TTC23: variants seen among roughly 807,000 people sequenced by gnomAD.
The protein encoded by TTC23 is tetratricopeptide repeat protein 23.
Under a neutral mutation model 55.1 loss-of-function variants are expected in TTC23, and 58 were observed. That is an observed-to-expected ratio of 1.05 (90% CI 0.85 to 1.31). TTC23 has a LOEUF of 1.31. TTC23 is among the 50% of genes most tolerant of loss of function. The pLI is 0.00. For synonymous variants in TTC23, 203 were observed against 199.9 expected (o/e 1.02, Z -0.13); for missense variants, 516 against 534.4 (o/e 0.97, Z 0.34).
At position 99,199,987 on chromosome 15, in the gene TTC23, A is replaced by G. The variant is rs1262822865; in HGVS notation, c.691T>C (p.Leu231=). Residue 231 remains leucine, a synonymous_variant, in exon 9 of 14, where the codon TTG becomes CTG. Transcript: ENST00000394132. ...TGCTCTACACCTGCTAATTCTCTCAATATGGGTACACACTCACGACTTGTT... is the reference window on the plus strand; with the variant it reads ...TGCTCTACACCTGCTAATTCTCTCAGTATGGGTACACACTCACGACTTGTT... ...GETSRECVPI[L]RELAGVEQAL... is the part of the protein sequence containing the mutation. The G allele has an allele frequency of 1.2e-6, 2 of 1,613,936 alleles. No homozygotes were observed. The highest frequency in any genetic ancestry group is 1.1e-5 in the South Asian group (1 of 91,070).
intron 9 of TTC23, among the ~76,000 whole-genome samples, chr15:99,196,432 G>A (rs967863927): frequency 1.3e-5 from 2 of 152,086 alleles, no homozygotes; most frequent in Admixed American, 1.3e-4. Context: ...ACTACAAAAG[G>A]TTTTTGTATA....
chr15:99,207,011 C>A lies in TTC23; in HGVS notation c.582-6915G>T, dbSNP rs577918827. 1.5e-4 allele frequency among the ~76,000 whole-genome samples: 23 copies of A among 152,142 alleles called. No individual in the cohort carries two copies. In the East Asian group the frequency reaches 2.9e-3, roughly 19 times the overall value. ...TTTTGGTATGTTATGTTTCCATTTTCATTTGTTTCAAGAAAATTTTTAATG... is the reference window on the plus strand; with the variant it reads ...TTTTGGTATGTTATGTTTCCATTTTAATTTGTTTCAAGAAAATTTTTAATG... On this transcript the variant is annotated intron_variant, in intron 8 of 13. Coordinates refer to ENST00000394132, the MANE Select transcript of TTC23 (RefSeq NM_001288615.3).
intron 11 of TTC23, chr15:99,161,171 T>TATAC (rs1450400373): frequency 6.6e-6 from 1 of 151,878 alleles, no homozygotes; most frequent in African/African-American, 2.4e-5. Context: ...ATTGTATATA[T>TATAC]ATATATGTAT....
rs550875539 is a variant in TTC23, at chr15:99,215,236, T to C, written c.581+3352A>G. 5.9e-5 allele frequency among the ~76,000 whole-genome samples: 9 copies of C among 152,208 alleles called. No individual in the cohort carries two copies. In the South Asian group the frequency reaches 1.9e-3, roughly 32 times the overall value. Reference sequence around the variant, plus strand: ...TTTGTAGACTTCAGATATAAGCCCTTTGTCAGTTGTACGTATTACAAATAT... The same window carrying C: ...TTTGTAGACTTCAGATATAAGCCCTCTGTCAGTTGTACGTATTACAAATAT... On this transcript the variant is annotated intron_variant, in intron 8 of 13. Coordinates refer to ENST00000394132, the MANE Select transcript of TTC23 (RefSeq NM_001288615.3).
Position 99,239,369 on chromosome 15 carries a change from C to T in TTC23, c.-114+1996G>A, listed in dbSNP as rs113086762. On this transcript the variant is annotated intron_variant, in intron 3 of 13. Transcript: ENST00000394132. ...GTGTGGTGGCATGTGCCTGTAGTCC[C>T]AGCTACTCTGGAGGCTGAGGCAGGA... Among the ~76,000 whole-genome samples the T allele has an allele frequency of 2.0e-5, 3 of 152,206 alleles. 1 individual carries two copies. The highest frequency in any genetic ancestry group is 6.5e-5 in the Admixed American group (1 of 15,276).
At chr15:99,174,175 C>A (rs1381793104) in intron 10 of TTC23, among the ~76,000 whole-genome samples, 2 of 152,100 alleles carry the variant, frequency 1.3e-5, no homozygotes, top group East Asian at 3.9e-4. Flanking sequence ...AATGCCGATG[C>A]CCCCTTCATC....
rs28887546 is a variant in TTC23 at position 99,247,223 on chromosome 15, G to T, written c.-430-1713C>A. ...AACCCTCATACACTCTGGTGGAAAT[G>T]TAAAATGGGAAATTCACCTTGGAAA... is the stretch of plus-strand genomic sequence containing the variant. On this transcript the variant is annotated intron_variant, in intron 1 of 13. Coordinates refer to ENST00000394132, the MANE Select transcript of TTC23 (RefSeq NM_001288615.3). Among the ~76,000 whole-genome samples, 357 of 152,304 alleles carry T rather than the reference G, an allele frequency of 2.3e-3. 4 individuals carry two copies. The highest frequency in any genetic ancestry group is 8.1e-3 in the African/African-American group (335 of 41,562).
chr15:99,212,704 A>G (rs887782379), intron 8 of TTC23, among the ~76,000 whole-genome samples: 1 of 152,184 alleles, frequency 6.6e-6, no homozygotes, highest in African/African-American at 2.4e-5. Flanking sequence ...TATCCTTTTA[A>G]GAGGGACATA....
chr15:99,221,932 GCTTTTATATCC>G (rs1463941166), intron 5 of TTC23, 68 bp from the exon 6 acceptor site: 2 of 1,564,282 alleles, frequency 1.3e-6, no homozygotes, highest in African/African-American at 2.7e-5. Flanking sequence ...AAATCAATGC[GCTTTTATATCC>G]CTTTGATAAA....
At chr15:99,168,739 G>A (rs571632195) in intron 10 of TTC23, among the ~76,000 whole-genome samples, 5 of 152,296 alleles carry the variant, frequency 3.3e-5, no homozygotes, top group Admixed American at 1.3e-4. Flanking sequence ...AGGGGTCAAC[G>A]CACAAACTTG....
chr15:99,150,775 G>C (rs8031137), intron 12 of TTC23, among the ~76,000 whole-genome samples: 19,157 of 152,246 alleles, frequency 0.13, 1,729 homozygotes, highest in African/African-American at 0.26. Context: ...GCCATAGTTT[G>C]GGACCCTTGC....
At chr15:99,181,301 C>T (rs552208145) in intron 9 of TTC23, among the ~76,000 whole-genome samples, 166 of 152,264 alleles carry the variant, frequency 1.1e-3, no homozygotes, top group Non-Finnish European at 1.8e-3. Context: ...TAGACTCTGT[C>T]CAGAAATGGA....
chr15:99,247,213 T>C (rs1279263872), intron 1 of TTC23, among the ~76,000 whole-genome samples: 2 of 152,136 alleles, frequency 1.3e-5, no homozygotes, highest in African/African-American at 4.8e-5. Context: ...TCATACACTC[T>C]GGTGGAAATG....
At chr15:99,164,109 A>C (rs1051363479) in intron 10 of TTC23, among the ~76,000 whole-genome samples, 3 of 152,228 alleles carry the variant, frequency 2.0e-5, no homozygotes, top group Non-Finnish European at 4.4e-5. Flanking sequence ...GAAATCCTGA[A>C]CCAAGAAACC....
chr15:99,233,610 C>T (rs1266776782), intron 4 of TTC23, among the ~76,000 whole-genome samples: 2 of 152,144 alleles, frequency 1.3e-5, no homozygotes, highest in African/African-American at 4.8e-5. Context: ...CTGATAGGCA[C>T]CTTTGAAAAA....
chr15:99,187,478 A>AAAAG (rs55638903), intron 9 of TTC23, among the ~76,000 whole-genome samples: 2 of 149,424 alleles, frequency 1.3e-5, no homozygotes, highest in African/African-American at 4.9e-5. Context: ...ACAAAACAAA[A>AAAAG]GAAACCCAAC....
chr15:99,159,710 G>C (rs1297635033), intron 11 of TTC23: 1 of 152,254 alleles, frequency 6.6e-6, no homozygotes, highest in Non-Finnish European at 1.5e-5. Flanking sequence ...CAGGATTCTG[G>C]TTTATCCTGA....
intron 9 of TTC23, 151 bp from the exon 10 acceptor site, chr15:99,175,306 A>G: frequency 1.5e-6 from 1 of 661,554 alleles, no homozygotes; most frequent in South Asian, 1.9e-5. Flanking sequence ...AACTCGCAGG[A>G]AAGCTGGATT....
Position 99,147,049 on chromosome 15 carries a change from A to G in TTC23, c.1144-7650T>C, listed in dbSNP as rs569299974. ...CCTGCCTCAGCCTCCCAAGTAGCTG[A>G]GATTACAGGCACACGCCACCACACC... On this transcript the variant is annotated intron_variant, in intron 12 of 13. Transcript: ENST00000394132. Among the ~76,000 whole-genome samples, 21 of 145,134 alleles carry G rather than the reference A, an allele frequency of 1.4e-4. 1 individual carries two copies. The highest frequency in any genetic ancestry group is 4.1e-4 in the East Asian group (2 of 4,820).
Sources: gnomAD v4.1 joint callset for allele counts (sites outside exome capture counted in the v4.1 genomes callset) on GRCh38, gnomAD v4.1.1 for gene constraint, MANE v1.5 for transcripts, NCBI Gene and HGNC (gene_info 2026-07-23, HGNC 2026-07-21) for gene names.